The following IMPDH1 variants were observed in gnomAD, a reference collection of about 807,000 sequenced individuals.
IMPDH1 encodes the protein inosine monophosphate dehydrogenase 1.
In IMPDH1, 41 loss-of-function variants were observed where a neutral mutation model predicts 73.5. The ratio of observed to expected loss-of-function variants is 0.56; its 90% CI spans 0.43 to 0.72. IMPDH1 has a LOEUF of 0.72. IMPDH1 is among the 30% of genes least tolerant of loss of function. The pLI, the probability that IMPDH1 is intolerant of heterozygous loss-of-function variation, is 0.00. For missense variants in IMPDH1, 645 were observed against 824.8 expected (o/e 0.78, Z 2.67); for synonymous variants, 318 against 334.3 (o/e 0.95, Z 0.53).
At position 128,394,463 on chromosome 7, in the gene IMPDH1, C is replaced by G; in HGVS notation, c.1687G>C (p.Val563Leu). The G allele has an allele frequency of 1.9e-6, 3 of 1,614,132 alleles. No homozygotes were observed. Among genetic ancestry groups the G allele is most frequent in the Non-Finnish European group, 2.5e-6 (3 of 1,180,038 alleles). The change falls in exon 15 of 17, where the codon GTC (valine) becomes CTC (leucine). Residue 563 changes from valine to leucine, a missense_variant. Val to Leu is a conservative substitution (Grantham distance 32). This residue lies in a region of IMPDH1 where 459 missense variants were observed against 638.2 expected (regional missense o/e 0.72). Transcript: ENST00000338791. This position sits in a 1 kb window ranked among gnomAD's most constrained non-coding sequence, Gnocchi z 5.5. ...CQDIGARSLS[V>L]LRSMMYSGEL... Reference sequence around the variant, plus strand: ...CCCAGTCTCAGCACTCACCGAAGGACAGACAGGCTGCGGGCCCCGATATCC... The same window carrying G: ...CCCAGTCTCAGCACTCACCGAAGGAGAGACAGGCTGCGGGCCCCGATATCC...
chr7:128,402,732 G>T (rs1238898663), intron 5 of IMPDH1, among the ~76,000 whole-genome samples: 1 of 151,990 alleles, frequency 6.6e-6, no homozygotes, highest in African/African-American at 2.4e-5. Flanking sequence ...TAATGTATAT[G>T]AATTCATCAT....
intron 3 of IMPDH1, among the ~76,000 whole-genome samples, chr7:128,406,216 G>C (rs1368422151): frequency 5.3e-5 from 8 of 150,600 alleles, no homozygotes; most frequent in Non-Finnish European, 1.0e-4. Flanking sequence ...GAGAGTACCG[G>C]GTCAGGCCGG....
At chr7:128,402,270 T>C (rs113925206) in intron 5 of IMPDH1, among the ~76,000 whole-genome samples, 31 of 152,152 alleles carry the variant, frequency 2.0e-4, no homozygotes, top group Non-Finnish European at 4.3e-4. Flanking sequence ...GCCCAGCTAA[T>C]TTTTGCATTT....
At chr7:128,401,571 G>C (rs980811062) in intron 5 of IMPDH1, among the ~76,000 whole-genome samples, 30 of 152,262 alleles carry the variant, frequency 2.0e-4, no homozygotes, top group African/African-American at 6.7e-4. Flanking sequence ...GGAAGGCAGG[G>C]GCAGCATGCA....
intron 5 of IMPDH1, among the ~76,000 whole-genome samples, chr7:128,402,252 G>A (rs930524516): frequency 3.9e-5 from 6 of 152,056 alleles, no homozygotes; most frequent in African/African-American, 1.2e-4. Flanking sequence ...ACAGATGCCC[G>A]CCACAATGCC....
At chr7:128,405,644 A>T in intron 4 of IMPDH1, 123 bp downstream of exon 4, 2 of 1,343,010 alleles carry the variant, frequency 1.5e-6, no homozygotes, top group Non-Finnish European at 1.9e-6. Flanking sequence ...CCCAGCCCCC[A>T]GCGCCCACAG....
intron 3 of IMPDH1, among the ~76,000 whole-genome samples, chr7:128,406,154 G>A (rs1482295903): frequency 6.7e-6 from 1 of 148,990 alleles, no homozygotes; most frequent in Non-Finnish European, 1.5e-5. Flanking sequence ...TGCCTGCAGC[G>A]GCGCTGCGAC....
Position 128,394,856 on chromosome 7 carries a change from G to C in IMPDH1, c.1550+33C>G. The C allele has an allele frequency of 6.2e-7, 1 of 1,609,934 alleles. No homozygotes were observed. The highest frequency in any genetic ancestry group is 8.5e-7 in the Non-Finnish European group (1 of 1,179,580). On this transcript the variant is annotated intron_variant, in intron 14 of 16. Coordinates refer to ENST00000338791, the MANE Select transcript of IMPDH1 (RefSeq NM_000883.4). This position sits in a 1 kb window ranked among gnomAD's most constrained non-coding sequence, Gnocchi z 5.5. The stretch of plus-strand genomic sequence containing the variant: ...AGCGGGCCCTGAAGGGTTGTGGGCT[G>C]ATCTGCCCAGGTGGGGCCCAGGGTC...
At position 128,394,937 on chromosome 7, in the gene IMPDH1, G is replaced by A. The variant is rs1221573478; in HGVS notation, c.1502C>T (p.Ser501Leu). 1 of 1,613,482 alleles carries A rather than the reference G, an allele frequency of 6.2e-7. No individual in the cohort carries two copies. The part of the protein sequence containing the change: ...VRLKKYRGMG[S>L]LDAMEKSSSS... ...GCTGCTCTTCTCCATGGCATCCAGT[G>A]AGCCCATGCCCCGGTACTTCTTGAG... The change falls in exon 14 of 17, where the codon TCA (serine) becomes TTA (leucine). Residue 501 changes from serine (S) to leucine (L), a missense_variant. By Grantham distance (145) the Ser-to-Leu change is moderately radical. This residue lies in a region of IMPDH1 where 459 missense variants were observed against 638.2 expected (regional missense o/e 0.72). Coordinates refer to ENST00000338791, the MANE Select transcript of IMPDH1 (RefSeq NM_000883.4). The surrounding 1 kb of genome is among the most constrained non-coding windows in gnomAD (Gnocchi z 5.5).
At chr7:128,393,763 GAC>G (rs1444743391) in intron 16 of IMPDH1, 46 of 234,018 alleles carry the variant, frequency 2.0e-4, no homozygotes, top group Admixed American at 1.9e-3. Context: ...GGCGGAAAGA[GAC>G]ACAGGTTAGA....
intron 3 of IMPDH1, among the ~76,000 whole-genome samples, chr7:128,406,172 G>T (rs1170289541): frequency 1.3e-4 from 13 of 99,616 alleles, no homozygotes; most frequent in Non-Finnish European, 2.0e-4. Flanking sequence ...GACCCCGCAA[G>T]CCCGGACCGG....
In IMPDH1 at chr7:128,401,099, C is replaced by A; in HGVS notation, c.420G>T (p.Leu140=). The A allele has an allele frequency of 6.2e-7, 1 of 1,613,728 alleles. No homozygotes were observed. The highest frequency in any genetic ancestry group is 8.5e-7 in the Non-Finnish European group (1 of 1,179,984). Reference sequence around the variant, plus strand: ...GCGTCTTCAGCGTGATCTTCCGGGTCAGGGCTGAGGTCAGGTCCTGAGGAT... The same window carrying A: ...GCGTCTTCAGCGTGATCTTCCGGGTAAGGGCTGAGGTCAGGTCCTGAGGAT... The part of the protein sequence containing the change: ...IADEVDLTSA[L]TRKITLKTPL... Residue 140 remains leucine, a synonymous_variant, in exon 6 of 17, where the codon CTG becomes CTT. Transcript: ENST00000338791.
At chr7:128,399,750 ATAAAT>A (rs1798184036) in intron 9 of IMPDH1, among the ~76,000 whole-genome samples, 1 of 152,218 alleles carries the variant, frequency 6.6e-6, no homozygotes, top group Non-Finnish European at 1.5e-5. Flanking sequence ...CTAGTGTCAA[ATAAAT>A]TTAACTGCAG....
chr7:128,400,930 T>C, intron 6 of IMPDH1, 39 bp from the exon 7 acceptor site: 1 of 1,590,178 alleles, frequency 6.3e-7, no homozygotes, highest in East Asian at 2.2e-5. Flanking sequence ...CCGGGGCCCA[T>C]TCCTCCTCAG....
rs1300880063 is a variant in IMPDH1, at chr7:128,400,448, A to G, written c.671T>C (p.Phe224Ser). 2 of 1,612,282 alleles carry G rather than the reference A, an allele frequency of 1.2e-6. No homozygotes were observed. Among genetic ancestry groups the G allele is most frequent in the African/African-American group, 2.7e-5 (2 of 74,874 alleles). ...DVLEAKMRHG[F>S]SGIPITETGT... ...CGTCTCAGTGATGGGGATGCCAGAGAAGCCATGCCGCATCTTGGCCTCCAG... is the reference window on the plus strand; with the variant it reads ...CGTCTCAGTGATGGGGATGCCAGAGGAGCCATGCCGCATCTTGGCCTCCAG... Residue 224 changes from phenylalanine to serine, a missense_variant, in exon 8 of 17, where the codon TTC becomes TCC. Physicochemically the swap from Phe to Ser is radical, Grantham distance 155 (BLOSUM62 -2). Coordinates refer to ENST00000338791, the MANE Select transcript of IMPDH1 (RefSeq NM_000883.4).
chr7:128,400,645 C>T (rs2278294), intron 7 of IMPDH1, 106 bp from the exon 8 acceptor site: 458,078 of 1,265,432 alleles, frequency 0.36, 84,562 homozygotes, highest in East Asian at 0.51. Flanking sequence ...GAAGCCAGGA[C>T]CCTCAGTGGG....
rs72624948 is a variant in IMPDH1 at position 128,405,760 on chromosome 7, C to T, written c.353+7G>A. The T allele has an allele frequency of 6.5e-7, 1 of 1,535,240 alleles. No individual in the cohort carries two copies. The highest frequency in any genetic ancestry group is 8.8e-7 in the Non-Finnish European group (1 of 1,141,650). On this transcript the variant is annotated splice_region_variant and intron_variant, in intron 4 of 16. Transcript: ENST00000338791. Reference sequence around the variant, plus strand: ...GCGCACCTAGGGGTACGAGACCCGGCGCTTACTTGTAGGTGAGGCCGTCGG... The same window carrying T: ...GCGCACCTAGGGGTACGAGACCCGGTGCTTACTTGTAGGTGAGGCCGTCGG...
intron 3 of IMPDH1, among the ~76,000 whole-genome samples, chr7:128,408,923 G>A (rs12536006): frequency 0.26 from 40,228 of 152,042 alleles, 5,411 homozygotes; most frequent in East Asian, 0.36. Context: ...TTACATAAGC[G>A]GCCAACCCCT....
chr7:128,409,523 T>A (rs756870726), intron 1 of IMPDH1, 39 bp from the exon 2 acceptor site: 1 of 1,610,220 alleles, frequency 6.2e-7, no homozygotes, highest in South Asian at 1.1e-5. Flanking sequence ...CTGTTCCCTC[T>A]CCTCCGCTCC....
Sources: gnomAD v4.1 joint callset for allele counts (sites outside exome capture counted in the v4.1 genomes callset) on GRCh38, gnomAD v4.1.1 for gene constraint, gnomAD v4.1.1 regional missense constraint, Gnocchi (gnomAD v3.1) non-coding constraint, MANE v1.5 for transcripts, NCBI Gene and HGNC (gene_info 2026-07-23, HGNC 2026-07-21) for gene names.